Variants in ZNF202 observed in about 807,000 individuals in gnomAD.
The protein encoded by ZNF202 is zinc finger protein 202.
Under a neutral mutation model 54.5 loss-of-function variants are expected in ZNF202, and 22 were observed. That is an observed-to-expected ratio of 0.40 (90% CI 0.29 to 0.58). The LOEUF (loss-of-function observed/expected upper bound fraction) is 0.58, where lower values mean the gene tolerates loss of function less well. Ranked by LOEUF, ZNF202 falls within the 20% of genes least tolerant of loss-of-function variation. The pLI is 0.39. For synonymous variants in ZNF202, 294 were observed against 301.4 expected (o/e 0.98, Z 0.26); for missense variants, 644 against 805.5 (o/e 0.80, Z 2.43).
intron 8 of ZNF202, among the ~76,000 whole-genome samples, chr11:123,727,271 C>T (rs1861192885): frequency 6.6e-6 from 1 of 152,150 alleles, no homozygotes; most frequent in Admixed American, 6.5e-5. Context: ...TTCTTTCACC[C>T]TTTTGTATTA....
Position 123,726,759 on chromosome 11 carries a change from C to T in ZNF202, c.1185G>A (p.Arg395=). ...TTCCACACACAGAACAGTCATGATG[C>T]CTCCCTAACAGGGGGTGGACGGGTG... ...ETTPVHPLLG[R]HHDCSVCGKS... Residue 395 remains arginine, a synonymous_variant, in exon 9 of 9, where the codon AGG becomes AGA. Transcript: ENST00000530393. This position sits in a 1 kb window ranked among gnomAD's most constrained non-coding sequence, Gnocchi z 6.0. The T allele has an allele frequency of 1.2e-6, 2 of 1,614,214 alleles. No homozygotes were observed. The highest frequency in any genetic ancestry group is 1.7e-6 in the Non-Finnish European group (2 of 1,180,046).
chr11:123,739,825 G>A (rs932760412), intron 3 of ZNF202, among the ~76,000 whole-genome samples: 10 of 152,322 alleles, frequency 6.6e-5, no homozygotes, highest in Admixed American at 5.9e-4. Flanking sequence ...ATCAGTACCT[G>A]AGCCTTGTTA....
rs772690747 is a variant in ZNF202 at position 123,723,933 on chromosome 11, TGACA to T, written c.*2060_*2063del. Among the ~76,000 whole-genome samples the T allele has an allele frequency of 1.3e-5, 2 of 152,250 alleles. No individual in the cohort carries two copies. The highest frequency in any genetic ancestry group is 2.4e-5 in the African/African-American group (1 of 41,466). ...ACAAGCTTTCCCTCATGTAGAACTC[TGACA>T]GATTTTCATTTATTGGAATAATGCA... On this transcript the variant is annotated 3_prime_UTR_variant, in exon 9 of 9. Transcript: ENST00000530393.
intron 8 of ZNF202, among the ~76,000 whole-genome samples, 161 bp from the exon 9 acceptor site, chr11:123,727,152 T>C (rs1455832680): frequency 6.6e-6 from 1 of 152,248 alleles, no homozygotes; most frequent in Non-Finnish European, 1.5e-5. Context: ...CAACAAACCT[T>C]GGTATGCACA....
chr11:123,727,385 T>C (rs1191669221), intron 8 of ZNF202, 91 bp downstream of exon 8: 62 of 1,547,964 alleles, frequency 4.0e-5, no homozygotes, highest in Non-Finnish European at 8.7e-7. Flanking sequence ...TTAGAAGAAC[T>C]GATGAGAGCG....
At position 123,730,987 on chromosome 11, in the gene ZNF202, T is replaced by G; in HGVS notation, c.-97-2A>C. 1.9e-5 allele frequency: 26 copies of G among 1,366,610 alleles called. No individual in the cohort carries two copies. The highest frequency in any genetic ancestry group is 1.9e-4 in the Middle Eastern group (1 of 5,344). 84.7% of individuals were successfully genotyped at this position (1,366,610 alleles called of 1,614,324 possible). On this transcript the variant is annotated splice_acceptor_variant, in intron 3 of 8. Transcript: ENST00000530393. LOFTEE classifies it low-confidence loss of function (5UTR_SPLICE). The surrounding 1 kb of genome is among the most constrained non-coding windows in gnomAD (Gnocchi z 6.0). The stretch of plus-strand genomic sequence containing the variant: ...AGCGAGGATTTTCTTCCAAGGGCCC[T>G]GGATAGAGAAGTAAAGACAAACAAG...
intron 7 of ZNF202, 124 bp downstream of exon 7, chr11:123,728,009 T>C: frequency 9.1e-7 from 1 of 1,101,906 alleles, no homozygotes; most frequent in Non-Finnish European, 1.3e-6. Context: ...CCCTCAATTT[T>C]ATTGGTGGGG....
intron 3 of ZNF202, among the ~76,000 whole-genome samples, chr11:123,734,065 G>A (rs1311621763): frequency 6.6e-6 from 1 of 152,054 alleles, no homozygotes; most frequent in African/African-American, 2.4e-5. Context: ...TTTTCCTTCT[G>A]GAACCTATGC....
intron 3 of ZNF202, among the ~76,000 whole-genome samples, chr11:123,731,908 C>G (rs1012509250): frequency 6.6e-6 from 1 of 152,152 alleles, no homozygotes; most frequent in African/African-American, 2.4e-5. Context: ...AAGCTCTTTA[C>G]AATCAGCCCC....
In ZNF202 at chr11:123,730,894, G is replaced by A; in HGVS notation, c.-6C>T. ...GGTTCCACGGCTGTAGCCATTTCTTGGCTTTGGGGTGGTCTCACACCATCT... is the reference window on the plus strand; with the variant it reads ...GGTTCCACGGCTGTAGCCATTTCTTAGCTTTGGGGTGGTCTCACACCATCT... On this transcript the variant is annotated 5_prime_UTR_variant, in exon 4 of 9. Transcript: ENST00000530393. The surrounding 1 kb of genome is among the most constrained non-coding windows in gnomAD (Gnocchi z 6.0). 1 of 1,609,424 alleles carries A rather than the reference G, an allele frequency of 6.2e-7. No homozygotes were observed. Among genetic ancestry groups the A allele is most frequent in the Non-Finnish European group, 8.5e-7 (1 of 1,177,154 alleles).
chr11:123,730,364 G>T lies in ZNF202; in HGVS notation c.402+123C>A, dbSNP rs1238175791. On this transcript the variant is annotated intron_variant, in intron 4 of 8. Coordinates refer to ENST00000530393, the MANE Select transcript of ZNF202 (RefSeq NM_003455.4). The surrounding 1 kb of genome is among the most constrained non-coding windows in gnomAD (Gnocchi z 6.0). ...CTAATCCATGGGGCTCATGGTATAT[G>T]AGCAACCCAAGGGCAGAGCCCACTA... 12 of 1,281,498 alleles carry T rather than the reference G, an allele frequency of 9.4e-6. No individual in the cohort carries two copies. The East Asian group carries it at 2.9e-4, about 31-fold the overall frequency. The allele number at this position is 1,281,498 out of a possible 1,614,324, so 79.4% of individuals were successfully genotyped here. A position where few individuals can be genotyped will look rare whatever the true frequency, so the allele number is the denominator to read the frequency against.
At chr11:123,737,513 GA>G (rs1861682405) in intron 3 of ZNF202, among the ~76,000 whole-genome samples, 1 of 152,272 alleles carries the variant, frequency 6.6e-6, no homozygotes, top group Admixed American at 6.5e-5. Flanking sequence ...GGAAGAAAGA[GA>G]AAGAGGTCAA....
At position 123,726,934 on chromosome 11, in the gene ZNF202, T is replaced by G. The variant is rs758423719; in HGVS notation, c.1010A>C (p.Asp337Ala). The change falls in exon 9 of 9, where the codon GAT becomes GCT. Residue 337 changes from aspartate to alanine, a missense_variant. Transcript: ENST00000530393. This position sits in a 1 kb window ranked among gnomAD's most constrained non-coding sequence, Gnocchi z 6.0. ...TTCTCCCAAAACAGGCCTGTGTATA[T>G]CCTCCAAACTCAGATCTTCCTGCTC... is the stretch of plus-strand genomic sequence containing the variant. ...CLEQEDLSLE[D>A]IHRPVLGEPE... 1 of 1,613,920 alleles carries G rather than the reference T, an allele frequency of 6.2e-7. No individual in the cohort carries two copies.
chr11:123,737,999 G>A (rs535761471), intron 3 of ZNF202, among the ~76,000 whole-genome samples: 30 of 152,258 alleles, frequency 2.0e-4, no homozygotes, highest in Non-Finnish European at 2.6e-4. Flanking sequence ...AGCTGAGGAC[G>A]GCTAGGGGCC....
rs1401199765 is a variant in ZNF202, at chr11:123,726,196, T to A, written c.1748A>T (p.His583Leu). The A allele has an allele frequency of 6.2e-7, 1 of 1,614,216 alleles. No homozygotes were observed. The part of the protein sequence containing the change: ...CFTHSAAFAK[H>L]LRGHASVRPC... ...CCTCACTGAGGCGTGTCCTCTCAAG[T>A]GCTTGGCGAACGCTGCGCTGTGGGT... Residue 583 changes from histidine to leucine, a missense_variant, in exon 9 of 9, where the codon CAC (histidine) becomes CTC (leucine). Coordinates refer to ENST00000530393, the MANE Select transcript of ZNF202 (RefSeq NM_003455.4). The surrounding 1 kb of genome is among the most constrained non-coding windows in gnomAD (Gnocchi z 6.0).
At chr11:123,731,605 G>A (rs544996789) in intron 3 of ZNF202, among the ~76,000 whole-genome samples, 5 of 152,286 alleles carry the variant, frequency 3.3e-5, no homozygotes, top group South Asian at 2.1e-4. Context: ...TGGCTCTGTC[G>A]CTTACTAGGT....
At chr11:123,728,083 G>GA in intron 7 of ZNF202, 50 bp downstream of exon 7, 1 of 1,572,360 alleles carries the variant, frequency 6.4e-7, no homozygotes, top group Non-Finnish European at 8.6e-7. Context: ...TTTCCAGCAG[G>GA]AAAAAGATCT....
intron 3 of ZNF202, among the ~76,000 whole-genome samples, chr11:123,733,714 G>A (rs1401052645): frequency 6.6e-6 from 1 of 152,138 alleles, no homozygotes; most frequent in East Asian, 1.9e-4. Context: ...GAGCCACCAT[G>A]CCTGGCCAAA....
chr11:123,729,790 T>G lies in ZNF202; in HGVS notation c.438A>C (p.Ser146=), dbSNP rs147206204. ...CCACTCCTAAATGCACCGTCTCCTC[T>G]GACAGGACTTCCTGGCCGTGAACAT... ...TVHVHGQEVL[S]EETVHLGVEP... The change falls in exon 5 of 9, where the codon TCA becomes TCC. Residue 146 remains serine, a synonymous_variant. Transcript: ENST00000530393. 6.2e-7 allele frequency: 1 copy of G among 1,612,806 alleles called. No homozygotes were observed.
Sources: allele counts gnomAD v4.1 joint callset (sites outside exome capture counted in the v4.1 genomes callset), GRCh38; gene constraint gnomAD v4.1.1; non-coding constraint Gnocchi (gnomAD v3.1); transcripts MANE v1.5; gene names NCBI Gene and HGNC (gene_info 2026-07-23, HGNC 2026-07-21).